FDXR: variants seen among roughly 807,000 people sequenced by gnomAD.
The protein encoded by FDXR is ferredoxin reductase.
A neutral mutation model predicts 58.3 loss-of-function variants in FDXR; 38 were observed. That is an observed-to-expected ratio of 0.65 (90% confidence interval 0.50 to 0.85). FDXR has a LOEUF of 0.85. Among genes scored for constraint, FDXR ranks in the 40% least tolerant of loss-of-function variants. The probability of loss-of-function intolerance (pLI) is 0.00; values close to 1 mark genes in which losing one functional copy is unlikely to be tolerated. For synonymous variants in FDXR, 275 were observed against 273.8 expected (o/e 1.00, Z -0.04); for missense variants, 624 against 671.0 (o/e 0.93, Z 0.77).
intron 2 of FDXR, among the ~76,000 whole-genome samples, chr17:74,868,017 A>C (rs1401239638): frequency 6.6e-6 from 1 of 151,324 alleles, no homozygotes; most frequent in Non-Finnish European, 1.5e-5. Context: ...CTTCACTGGG[A>C]CTCAAGGCAA....
chr17:74,872,082 A>C lies in FDXR; in HGVS notation c.131T>G (p.Val44Gly). 2.5e-6 allele frequency: 4 copies of C among 1,606,622 alleles called. No homozygotes were observed. Among genetic ancestry groups the C allele is most frequent in the Non-Finnish European group, 3.4e-6 (4 of 1,176,012 alleles). Residue 44 changes from valine (V) to glycine (G), a missense_variant, in exon 2 of 12, where the codon GTG (valine) becomes GGG (glycine). By Grantham distance (109) the Val-to-Gly change is moderately radical. Coordinates refer to ENST00000293195, the MANE Select transcript of FDXR (RefSeq NM_024417.5). ...TQEKTPQICV[V>G]GSGPAGFYTA... ...GTAGAAGCCAGCTGGGCCACTGCCCACCACACAGATCTGGGGGGTCTTCTC... is the reference window on the plus strand; with the variant it reads ...GTAGAAGCCAGCTGGGCCACTGCCCCCCACACAGATCTGGGGGGTCTTCTC...
Position 74,862,646 on chromosome 17 carries a change from C to G in FDXR, c.*171G>C, listed in dbSNP as rs570747783. 280 of 926,964 alleles carry G rather than the reference C, an allele frequency of 3.0e-4. 7 individuals carry two copies. In the South Asian group the frequency reaches 5.0e-3, roughly 16 times the overall value. 57.4% of individuals were successfully genotyped at this position (926,964 alleles called of 1,614,324 possible). On this transcript the variant is annotated 3_prime_UTR_variant, in exon 12 of 12. Transcript: ENST00000293195. ...AGTTGCTGAAAGCTAAAACCTTGCG[C>G]GCAAGGGCGACCTTCCCCAGGAGGG...
chr17:74,862,986 C>A (rs772587028), intron 11 of FDXR, 39 bp from the exon 12 acceptor site: 2 of 1,605,376 alleles, frequency 1.2e-6, no homozygotes, highest in South Asian at 2.2e-5. Context: ...TCCTCCTTCA[C>A]CCCTCCCAGA....
chr17:74,864,080 G>T lies in FDXR; in HGVS notation c.1003-13C>A, dbSNP rs773052930. The T allele has an allele frequency of 9.3e-6, 15 of 1,613,752 alleles. No homozygotes were observed. The highest frequency in any genetic ancestry group is 1.3e-5 in the Non-Finnish European group (15 of 1,180,022). ...CCTCATCGACACCCTGTTGGGGAGAGTGTGGGCAACACCAGGCGGGTGGCA... is the reference window on the plus strand; with the variant it reads ...CCTCATCGACACCCTGTTGGGGAGATTGTGGGCAACACCAGGCGGGTGGCA... On this transcript the variant is annotated splice_polypyrimidine_tract_variant and intron_variant, in intron 9 of 11. Transcript: ENST00000293195.
At chr17:74,869,380 C>A (rs1045163196) in intron 2 of FDXR, among the ~76,000 whole-genome samples, 2 of 152,162 alleles carry the variant, frequency 1.3e-5, no homozygotes, top group African/African-American at 2.4e-5. Context: ...CACCTCCCAG[C>A]GAAACCTGCC....
At chr17:74,871,595 C>T (rs1385173948) in intron 2 of FDXR, among the ~76,000 whole-genome samples, 5 of 151,960 alleles carry the variant, frequency 3.3e-5, no homozygotes, top group South Asian at 2.1e-4. Context: ...CAGAATGGCA[C>T]GGAGGACTGG....
At chr17:74,871,919 G>T (rs754433582) in intron 2 of FDXR, 117 bp downstream of exon 2, 28 of 697,646 alleles carry the variant, frequency 4.0e-5, no homozygotes, top group Non-Finnish European at 6.1e-5. Flanking sequence ...AGGCCAGATG[G>T]CTGGGAGCCC....
In FDXR at chr17:74,868,810, C is replaced by A; in HGVS notation, c.178-1934G>T. Reference sequence around the variant, plus strand: ...CCCTGAGGATTTAACCCACTCCCTCCTGCGACCCCAAATTCCCCTGAACTT... The same window carrying A: ...CCCTGAGGATTTAACCCACTCCCTCATGCGACCCCAAATTCCCCTGAACTT... On this transcript the variant is annotated intron_variant, in intron 2 of 11. Transcript: ENST00000293195. The A allele has an allele frequency of 2.1e-6, 3 of 1,401,138 alleles. No homozygotes were observed. In the South Asian group the frequency reaches 4.4e-5, roughly 21 times the overall value. 86.8% of individuals were successfully genotyped at this position (1,401,138 alleles called of 1,614,324 possible).
intron 1 of FDXR, 139 bp downstream of exon 1, chr17:74,872,727 C>G (rs1417159313): frequency 6.6e-7 from 1 of 1,518,328 alleles, no homozygotes; most frequent in East Asian, 2.5e-5. Context: ...CCCCGTACAC[C>G]ACCGGGATCT....
intron 8 of FDXR, 39 bp downstream of exon 8, chr17:74,864,441 T>A: frequency 1.2e-6 from 2 of 1,607,196 alleles, no homozygotes; most frequent in Non-Finnish European, 8.5e-7. Context: ...TAGGCCACCC[T>A]CTCCCTAGTA....
In FDXR at chr17:74,865,707, C is replaced by G; in HGVS notation, c.609+12G>C. 1 of 1,597,702 alleles carries G rather than the reference C, an allele frequency of 6.3e-7. No homozygotes were observed. On this transcript the variant is annotated intron_variant, in intron 6 of 11. Transcript: ENST00000293195. ...CCACCTCCAACCCCGCCAGCCCTGA[C>G]CTACCACTCACCTCCAGGTGCTCAG...
intron 2 of FDXR, chr17:74,869,840 A>G (rs1404085212): frequency 5.0e-6 from 2 of 403,054 alleles, no homozygotes; most frequent in Non-Finnish European, 1.1e-5. Context: ...TGATTACTGA[A>G]TGGATTAACA....
chr17:74,872,819 A>G, intron 1 of FDXR, 47 bp downstream of exon 1: 1 of 1,542,366 alleles, frequency 6.5e-7, no homozygotes, highest in Non-Finnish European at 8.7e-7. Context: ...CAGCGCTCGC[A>G]GGCCTCCCCG....
intron 1 of FDXR, 98 bp from the exon 2 acceptor site, chr17:74,872,231 C>A: frequency 6.5e-7 from 1 of 1,547,954 alleles, no homozygotes; most frequent in Non-Finnish European, 8.7e-7. Flanking sequence ...ACTTCCCAAG[C>A]TTCACCCTCA....
chr17:74,864,186 G>A lies in FDXR; in HGVS notation c.964C>T (p.Arg322Trp), dbSNP rs778860222. The change falls in exon 9 of 12, where the codon CGG becomes TGG. Residue 322 changes from arginine (R) to tryptophan (W), a missense_variant. Physicochemically the swap from Arg to Trp is moderately radical, Grantham distance 101. Coordinates refer to ENST00000293195, the MANE Select transcript of FDXR (RefSeq NM_024417.5). ...QQVLPSPDGR[R>W]AAGVRLAVTR... ...ACTGCTAGGCGGACACCTGCTGCCC[G>A]CCGCCCATCTGGTGAGGGCAGCACC... The A allele has an allele frequency of 1.1e-5, 18 of 1,612,522 alleles. No individual in the cohort carries two copies. The highest frequency in any genetic ancestry group is 2.7e-5 in the African/African-American group (2 of 74,908).
chr17:74,863,025 GAGA>G, intron 11 of FDXR, 48 bp downstream of exon 11: 1 of 1,602,292 alleles, frequency 6.2e-7, no homozygotes, highest in African/African-American at 1.3e-5. Flanking sequence ...GTGAGGCCCA[GAGA>G]AGGACCACCC....
In FDXR at chr17:74,872,937, G is replaced by A. The variant is rs1406362115; in HGVS notation, c.8C>T (p.Ser3Leu). 4 of 1,555,950 alleles carry A rather than the reference G, an allele frequency of 2.6e-6. No homozygotes were observed. Among genetic ancestry groups the A allele is most frequent in the Middle Eastern group, 1.7e-4 (1 of 5,982 alleles). ...CCAGCCCCACCAGCGCCAGCAGCGC[G>A]AAGCCATGGCTGGGAGCAGCAACCT... MASRCWRWWGWSA... is the reference protein window; with the variant it reads MALRCWRWWGWSA... Residue 3 changes from serine (S) to leucine (L), a missense_variant, in exon 1 of 12, where the codon TCG becomes TTG. Transcript: ENST00000293195.
At chr17:74,870,791 GTCTC>G (rs1195058617) in intron 2 of FDXR, among the ~76,000 whole-genome samples, 1 of 123,634 alleles carries the variant, frequency 8.1e-6, no homozygotes, top group Admixed American at 9.1e-5. Flanking sequence ...CAAATGCACT[GTCTC>G]TCTTTTTTTT....
In FDXR at chr17:74,870,079, G is replaced by C. The variant is rs538035347; in HGVS notation, c.177+1957C>G. The C allele has an allele frequency of 9.3e-4, 375 of 405,058 alleles. 1 individual carries two copies. Among genetic ancestry groups the C allele is most frequent in the African/African-American group, 7.2e-3 (358 of 49,488 alleles). 25.1% of individuals were successfully genotyped at this position (405,058 alleles called of 1,614,324 possible). ...TGCTGCATGTGGTCCTGTCTTAGGA[G>C]CACAGCCAGTAGCTTGGAGCTCCCT... On this transcript the variant is annotated intron_variant, in intron 2 of 11. Coordinates refer to ENST00000293195, the MANE Select transcript of FDXR (RefSeq NM_024417.5).
Sources: allele counts gnomAD v4.1 joint callset (sites outside exome capture counted in the v4.1 genomes callset), GRCh38; gene constraint gnomAD v4.1.1; transcripts MANE v1.5; gene names NCBI Gene and HGNC (gene_info 2026-07-23, HGNC 2026-07-21).